Variants in DPP10 observed in about 807,000 individuals in gnomAD.
DPP10 encodes the protein inactive dipeptidyl peptidase 10.
A neutral mutation model predicts 120.9 loss-of-function variants in DPP10; 33 were observed. The ratio of observed to expected loss-of-function variants is 0.27; its 90% CI spans 0.21 to 0.37. DPP10 has a LOEUF of 0.37. DPP10 is among the 10% of genes least tolerant of loss of function. The pLI is 1.00. For missense variants in DPP10, 816 were observed against 942.8 expected (o/e 0.87, Z 1.76); for synonymous variants, 337 against 326.1 (o/e 1.03, Z -0.36).
intron 1 of DPP10, among the ~76,000 whole-genome samples, chr2:115,088,688 C>G (rs1708944202): frequency 7.4e-6 from 1 of 135,342 alleles, no homozygotes; most frequent in African/African-American, 2.7e-5. Flanking sequence ...TCAAGCAACC[C>G]TCCTACCTTG....
intron 1 of DPP10, among the ~76,000 whole-genome samples, chr2:114,543,775 A>G (rs542608684): frequency 6.6e-6 from 1 of 151,854 alleles, no homozygotes; most frequent in East Asian, 1.9e-4. Context: ...TTGTATTGAG[A>G]AGAAACTGCC....
intron 1 of DPP10, among the ~76,000 whole-genome samples, chr2:114,636,874 G>A (rs72953571): frequency 0.11 from 16,707 of 151,770 alleles, 1,403 homozygotes; most frequent in African/African-American, 0.21. Flanking sequence ...TATTTGGATG[G>A]TGGAGGAAGT....
chr2:115,484,780 A>T (rs1467068898), intron 3 of DPP10, among the ~76,000 whole-genome samples: 1 of 152,148 alleles, frequency 6.6e-6, no homozygotes, highest in South Asian at 2.1e-4. Flanking sequence ...TCGGGAGGTA[A>T]TCTCATTCAG....
At chr2:115,473,033 C>G (rs1484072906) in intron 3 of DPP10, among the ~76,000 whole-genome samples, 1 of 152,140 alleles carries the variant, frequency 6.6e-6, no homozygotes, top group African/African-American at 2.4e-5. Context: ...AATGCTATGA[C>G]TTTTACTAAA....
chr2:115,324,765 A>T (rs1397335706), intron 2 of DPP10, among the ~76,000 whole-genome samples: 1 of 152,200 alleles, frequency 6.6e-6, no homozygotes, highest in Admixed American at 6.5e-5. Context: ...CTTTCAGCCT[A>T]CCTAAGCTTT....
At chr2:114,927,766 G>A (rs1486525803) in intron 1 of DPP10, among the ~76,000 whole-genome samples, 2 of 152,190 alleles carry the variant, frequency 1.3e-5, no homozygotes, top group East Asian at 3.8e-4. Context: ...AGGTTTATTT[G>A]GCTAATGGTT....
chr2:115,394,799 G>T (rs969826252), intron 3 of DPP10, among the ~76,000 whole-genome samples: 25 of 151,964 alleles, frequency 1.6e-4, no homozygotes, highest in African/African-American at 5.8e-4. Flanking sequence ...AGTGAGGTGG[G>T]TTTTTTTTAA....
intron 1 of DPP10, among the ~76,000 whole-genome samples, chr2:114,536,034 G>A (rs1686453730): frequency 6.6e-6 from 1 of 152,004 alleles, no homozygotes; most frequent in Non-Finnish European, 1.5e-5. Flanking sequence ...TCAAAACCAG[G>A]TTGGATGCCT....
At chr2:114,505,817 T>A (rs139922320) in intron 1 of DPP10, among the ~76,000 whole-genome samples, 108 of 152,328 alleles carry the variant, frequency 7.1e-4, no homozygotes, top group African/African-American at 2.5e-3. Context: ...CCTCTATCTA[T>A]GAACTTATAT....
At chr2:114,847,176 G>A (rs754522806) in intron 1 of DPP10, among the ~76,000 whole-genome samples, 2 of 152,066 alleles carry the variant, frequency 1.3e-5, no homozygotes, top group African/African-American at 4.8e-5. Context: ...GCCTGGGTCA[G>A]TATCTCAATT....
chr2:114,754,272 G>T (rs920761989), intron 1 of DPP10, among the ~76,000 whole-genome samples: 2 of 152,124 alleles, frequency 1.3e-5, no homozygotes, highest in African/African-American at 4.8e-5. Context: ...ACACCTGGAT[G>T]GGTGGTCACT....
In DPP10 at chr2:114,632,503, G is replaced by GTTTT. The variant is rs756591992; in HGVS notation, c.60+189688_60+189691dup. Among the ~76,000 whole-genome samples, 28 of 88,622 alleles carry GTTTT rather than the reference G, an allele frequency of 3.2e-4. 3 individuals carry two copies. Among genetic ancestry groups the GTTTT allele is most frequent in the African/African-American group, 6.4e-4 (14 of 21,976 alleles). 58.1% of individuals were successfully genotyped at this position (88,622 alleles called of 152,430 possible). On this transcript the variant is annotated intron_variant, in intron 1 of 25. Coordinates refer to ENST00000410059, the MANE Select transcript of DPP10 (RefSeq NM_020868.6). ...ATAACTGTGTAACTATGGACTTAGGGTTTTTTTTTTTTTTTTTTTTTTTTT... is the reference window on the plus strand; with the variant it reads ...ATAACTGTGTAACTATGGACTTAGGGTTTTTTTTTTTTTTTTTTTTTTTTTTTTT...
chr2:115,304,830 C>T lies in DPP10; in HGVS notation c.61-4409C>T, dbSNP rs1331746501. ...ACTTATTATTCCCAGCATTTTTCTC[C>T]TTGCACCTAAACAAATAAAAAATGA... On this transcript the variant is annotated intron_variant, in intron 1 of 25. Coordinates refer to ENST00000410059, the MANE Select transcript of DPP10 (RefSeq NM_020868.6). Among the ~76,000 whole-genome samples, 4 of 152,026 alleles carry T rather than the reference C, an allele frequency of 2.6e-5. No individual in the cohort carries two copies. In the East Asian group the frequency reaches 7.8e-4, roughly 30 times the overall value.
In DPP10 at chr2:114,715,706, AC is replaced by A. The variant is rs150396376; in HGVS notation, c.60+272869del. Among the ~76,000 whole-genome samples the A allele has an allele frequency of 7.6e-3, 1,155 of 152,210 alleles. 13 individuals are homozygous for A. The highest frequency in any genetic ancestry group is 0.026 in the African/African-American group (1,086 of 41,550). On this transcript the variant is annotated intron_variant, in intron 1 of 25. Coordinates refer to ENST00000410059, the MANE Select transcript of DPP10 (RefSeq NM_020868.6). ...ATTTAAGAAATTAGTTTGTTCCAGT[AC>A]AAAAAAGCTGGGTACACAGTCACAC...
chr2:115,088,001 C>T (rs777246885), intron 1 of DPP10, among the ~76,000 whole-genome samples: 17 of 152,262 alleles, frequency 1.1e-4, no homozygotes, highest in Non-Finnish European at 1.9e-4. Flanking sequence ...GCTGGGAAGC[C>T]TGGGAAGTTT....
intron 1 of DPP10, among the ~76,000 whole-genome samples, chr2:114,547,383 G>A (rs1394252067): frequency 6.6e-6 from 1 of 152,188 alleles, no homozygotes; most frequent in African/African-American, 2.4e-5. Context: ...CTCCCAGGGA[G>A]TGTGACATTA....
chr2:115,771,498 A>G (rs1217165939), intron 13 of DPP10, among the ~76,000 whole-genome samples: 1 of 152,214 alleles, frequency 6.6e-6, no homozygotes. Flanking sequence ...CCGCAAAATT[A>G]TATTTCTAGA....
At position 114,764,326 on chromosome 2, in the gene DPP10, CT is replaced by C. The variant is rs1680531722; in HGVS notation, c.60+321491del. ...ATCATGTTTCTGTTACATTCAGGCT[CT>C]TTCTTGCTGAGTTATTTTGAAAAAA... On this transcript the variant is annotated intron_variant, in intron 1 of 25. Transcript: ENST00000410059. 4.0e-5 allele frequency among the ~76,000 whole-genome samples: 5 copies of C among 123,664 alleles called. No homozygotes were observed. The South Asian group carries it at 1.3e-3, about 31-fold the overall frequency. The allele number at this position is 123,664 out of a possible 152,430, so 81.1% of individuals were successfully genotyped here.
chr2:115,077,819 C>G (rs1312616881), intron 1 of DPP10, among the ~76,000 whole-genome samples: 1 of 152,238 alleles, frequency 6.6e-6, no homozygotes, highest in Admixed American at 6.5e-5. Context: ...TATTTCAGGA[C>G]TTTCCTCCTT....
Sources: allele counts gnomAD v4.1 joint callset (sites outside exome capture counted in the v4.1 genomes callset), GRCh38; gene constraint gnomAD v4.1.1; transcripts MANE v1.5; gene names NCBI Gene and HGNC (gene_info 2026-07-23, HGNC 2026-07-21).